The following LGSN variants were observed in gnomAD, a reference collection of about 807,000 sequenced individuals.
LGSN encodes lengsin.
A neutral mutation model predicts 19.5 loss-of-function variants in LGSN; 21 were observed. The ratio of observed to expected loss-of-function variants is 1.07; its 90% CI spans 0.76 to 1.55. The LOEUF (loss-of-function observed/expected upper bound fraction) is 1.55, where lower values mean the gene tolerates loss of function less well. Ranked by LOEUF, LGSN falls within the 40% of genes most tolerant of loss-of-function variation. LGSN has a pLI of 0.00. For synonymous variants in LGSN, 257 were observed against 215.6 expected, an observed-to-expected ratio of 1.19 and a Z score of -1.68; for missense variants, 673 against 608.5, an observed-to-expected ratio of 1.11 and a Z score of -1.12.
the LGSN span, among the ~76,000 whole-genome samples, chr6:63,473,313 A>G: frequency 2.0e-5 from 3 of 151,768 alleles, no homozygotes; most frequent in Non-Finnish European, 4.4e-5. Context: ...TCTCTACTAA[A>G]AACACAAAAA....
At chr6:63,524,409 A>G in the LGSN span, among the ~76,000 whole-genome samples, 2 of 152,236 alleles carry the variant, frequency 1.3e-5, no homozygotes, top group African/African-American at 4.8e-5. Flanking sequence ...CTGCCACAGC[A>G]GATGAATTTC....
the LGSN span, among the ~76,000 whole-genome samples, chr6:63,376,086 G>A: frequency 6.6e-6 from 1 of 152,024 alleles, no homozygotes; most frequent in East Asian, 1.9e-4. Flanking sequence ...CTCTCTCCAC[G>A]ATATATGATT....
the LGSN span, among the ~76,000 whole-genome samples, chr6:63,340,882 C>T: frequency 1.3e-5 from 2 of 151,078 alleles, no homozygotes; most frequent in South Asian, 4.2e-4. Context: ...ACATTGTTAT[C>T]TGCACACCTG....
chr6:63,407,922 A>T, the LGSN span, among the ~76,000 whole-genome samples: 1 of 152,226 alleles, frequency 6.6e-6, no homozygotes, highest in African/African-American at 2.4e-5. Context: ...GTGAACTCCC[A>T]TTCACAACTG....
the LGSN span, among the ~76,000 whole-genome samples, chr6:63,514,839 CCCAGGCA>C: frequency 6.6e-6 from 1 of 151,786 alleles, no homozygotes; most frequent in Non-Finnish European, 1.5e-5. Flanking sequence ...TAGCTGGGAC[CCCAGGCA>C]CCAGGCACCA....
At chr6:63,285,494 A>G (rs1767488472) in intron 3 of LGSN, 93 bp downstream of exon 3, 14 of 1,012,626 alleles carry the variant, frequency 1.4e-5, no homozygotes, top group South Asian at 1.0e-4. Flanking sequence ...GAATTGCTGT[A>G]TAAGATTACA....
chr6:63,388,057 G>T, the LGSN span, among the ~76,000 whole-genome samples: 531 of 144,976 alleles, frequency 3.7e-3, 2 homozygotes, highest in Middle Eastern at 0.011. Context: ...TTTTTTTTTA[G>T]TAGAGATGCG....
chr6:63,340,791 G>A, the LGSN span, among the ~76,000 whole-genome samples: 444 of 150,932 alleles, frequency 2.9e-3, 3 homozygotes, highest in African/African-American at 0.01. Context: ...ATTATTACAG[G>A]ACTATTATTT....
chr6:63,445,970 C>T, the LGSN span, among the ~76,000 whole-genome samples: 2 of 152,102 alleles, frequency 1.3e-5, no homozygotes, highest in Non-Finnish European at 2.9e-5. Flanking sequence ...CATGATCAGC[C>T]GGGTGTCGTG....
the LGSN span, among the ~76,000 whole-genome samples, chr6:63,407,043 T>TA: frequency 6.6e-6 from 1 of 151,982 alleles, no homozygotes; most frequent in African/African-American, 2.4e-5. Context: ...ATCAATAGCT[T>TA]ACCAACCAAA....
chr6:63,366,529 GT>G, the LGSN span, among the ~76,000 whole-genome samples: 1 of 152,162 alleles, frequency 6.6e-6, no homozygotes, highest in African/African-American at 2.4e-5. Flanking sequence ...ATAATTTATA[GT>G]TTCAATGCCA....
chr6:63,304,754 T>C (rs1370311110), intron 1 of LGSN, among the ~76,000 whole-genome samples: 1 of 152,190 alleles, frequency 6.6e-6, no homozygotes, highest in Non-Finnish European at 1.5e-5. Context: ...CTCCCTGGTA[T>C]GCTATATTCT....
the LGSN span, among the ~76,000 whole-genome samples, chr6:63,379,438 G>A: frequency 6.6e-6 from 1 of 152,180 alleles, no homozygotes; most frequent in Non-Finnish European, 1.5e-5. Flanking sequence ...TCCACAGCTG[G>A]TCACTACTTC....
At chr6:63,293,088 C>T (rs751672472) in intron 2 of LGSN, among the ~76,000 whole-genome samples, 1 of 152,158 alleles carries the variant, frequency 6.6e-6, no homozygotes, top group Non-Finnish European at 1.5e-5. Flanking sequence ...TCACCTCAAC[C>T]TCCTGGGCTC....
At chr6:63,333,530 T>C in the LGSN span, among the ~76,000 whole-genome samples, 1 of 112,240 alleles carries the variant, frequency 8.9e-6, no homozygotes, top group African/African-American at 3.5e-5. Context: ...AACAAAAGAA[T>C]GAAAGAACGA....
the LGSN span, among the ~76,000 whole-genome samples, chr6:63,415,569 G>A: frequency 2.0e-5 from 3 of 152,182 alleles, no homozygotes; most frequent in Admixed American, 6.5e-5. Flanking sequence ...TGGCATGGGC[G>A]AAAGCGCCCT....
chr6:63,475,138 G>A, the LGSN span, among the ~76,000 whole-genome samples: 1 of 152,164 alleles, frequency 6.6e-6, no homozygotes, highest in African/African-American at 2.4e-5. Context: ...AAAAGGATTT[G>A]TTTTAGGATG....
chr6:63,371,990 T>G, the LGSN span, among the ~76,000 whole-genome samples: 1 of 152,234 alleles, frequency 6.6e-6, no homozygotes, highest in East Asian at 1.9e-4. Context: ...CTATGCTTAT[T>G]GTCACTGATG....
At chr6:63,339,748 G>C in the LGSN span, among the ~76,000 whole-genome samples, 1 of 152,036 alleles carries the variant, frequency 6.6e-6, no homozygotes, top group South Asian at 2.1e-4. Context: ...TATATCTTTT[G>C]TTCCTTTCTT....
Sources: allele counts gnomAD v4.1 joint callset (sites outside exome capture counted in the v4.1 genomes callset), GRCh38; gene constraint gnomAD v4.1.1; transcripts MANE v1.5; gene names NCBI Gene and HGNC (gene_info 2026-07-23, HGNC 2026-07-21).